Variants in ZNF831 observed in about 807,000 individuals in gnomAD.
ZNF831 encodes chromosome 20 open reading frame 174.
Under a neutral mutation model 95.8 loss-of-function variants are expected in ZNF831, and 59 were observed. The observed-to-expected ratio is 0.62, with a 90% confidence interval of 0.50 to 0.77. The LOEUF (loss-of-function observed/expected upper bound fraction) is 0.77, where lower values mean the gene tolerates loss of function less well. Among genes scored for constraint, ZNF831 ranks in the 30% least tolerant of loss-of-function variants. ZNF831 has a pLI of 0.00. For synonymous variants in ZNF831, 961 were observed against 925.5 expected (o/e 1.04, Z -0.70); for missense variants, 2,205 against 2,164.0 (o/e 1.02, Z -0.38).
intron 2 of ZNF831, among the ~76,000 whole-genome samples, chr20:59,153,948 G>T (rs1159144821): frequency 6.6e-6 from 1 of 152,204 alleles, no homozygotes; most frequent in Non-Finnish European, 1.5e-5. Context: ...CTGTTCAGGT[G>T]GTGAGGAGTG....
intron 1 of ZNF831, among the ~76,000 whole-genome samples, chr20:59,183,138 C>T (rs1483512547): frequency 6.6e-6 from 1 of 152,166 alleles, no homozygotes; most frequent in Non-Finnish European, 1.5e-5. Flanking sequence ...GGGAGTGTTA[C>T]CCACTCCAGG....
At chr20:59,184,072 T>C (rs1007120349) in intron 1 of ZNF831, among the ~76,000 whole-genome samples, 1 of 151,906 alleles carries the variant, frequency 6.6e-6, no homozygotes, top group Non-Finnish European at 1.5e-5. Flanking sequence ...ACCTTTTCAC[T>C]GTCTCCATAG....
chr20:59,141,040 T>C (rs1184974190), intron 1 of ZNF831, among the ~76,000 whole-genome samples: 1 of 152,090 alleles, frequency 6.6e-6, no homozygotes, highest in East Asian at 1.9e-4. Flanking sequence ...GCTAGGATTA[T>C]AGGTGCGCAC....
intron 1 of ZNF831, among the ~76,000 whole-genome samples, chr20:59,132,099 A>G (rs774977389): frequency 2.0e-5 from 3 of 152,204 alleles, no homozygotes; most frequent in Non-Finnish European, 4.4e-5. Flanking sequence ...ATTTCACACA[A>G]GTGGGAACAT....
chr20:59,189,655 G>A (rs1983348450), intron 1 of ZNF831, among the ~76,000 whole-genome samples: 2 of 152,170 alleles, frequency 1.3e-5, no homozygotes, highest in Admixed American at 1.3e-4. Flanking sequence ...GGGATTACAG[G>A]CTCCTGCCAC....
intron 1 of ZNF831, among the ~76,000 whole-genome samples, chr20:59,128,368 T>C (rs1411127431): frequency 6.6e-6 from 1 of 152,162 alleles, no homozygotes; most frequent in Non-Finnish European, 1.5e-5. Context: ...TTCCCTGCTG[T>C]CCCTCCCCAG....
chr20:59,135,697 C>A (rs182615662), intron 1 of ZNF831, among the ~76,000 whole-genome samples: 86 of 152,212 alleles, frequency 5.7e-4, no homozygotes, highest in Middle Eastern at 6.8e-3. Flanking sequence ...TGCCACTGCA[C>A]TCCAGCCTGG....
chr20:59,200,534 A>C (rs940998498), intron 3 of ZNF831, among the ~76,000 whole-genome samples: 1 of 151,808 alleles, frequency 6.6e-6, no homozygotes, highest in Non-Finnish European at 1.5e-5. Flanking sequence ...AAATTTTGAC[A>C]TATATATATA....
At chr20:59,207,516 T>C (rs1268342314) in intron 4 of ZNF831, among the ~76,000 whole-genome samples, 1 of 152,026 alleles carries the variant, frequency 6.6e-6, no homozygotes, top group Admixed American at 6.5e-5. Flanking sequence ...GGCTGCAGGG[T>C]ACATTGCTTA....
rs61743783 is a variant in ZNF831 at position 59,192,762 on chromosome 20, C to A, written c.1743C>A (p.Pro581=). 6.2e-7 allele frequency: 1 copy of A among 1,612,280 alleles called. No individual in the cohort carries two copies. The highest frequency in any genetic ancestry group is 2.2e-5 in the East Asian group (1 of 44,866). ...CCCCCATTGGCGATGCCCTGGTGCC[C>A]GCAGAGGACACAGACGCAAAGAGAA... ...PGTPIGDALV[P]AEDTDAKRTA... Residue 581 remains proline, a synonymous_variant, in exon 2 of 6, where the codon CCC becomes CCA. Transcript: ENST00000371030. The surrounding 1 kb of genome is among the most constrained non-coding windows in gnomAD (Gnocchi z 5.2).
rs1007510990 is a variant in ZNF831, at chr20:59,253,211, T to C, written c.4188+73T>C. The C allele has an allele frequency of 7.8e-6, 12 of 1,540,760 alleles. No homozygotes were observed. The Admixed American group carries it at 1.8e-4, about 23-fold the overall frequency. ...GTATAGCCCTGCTTGTTCTTGCTGC[T>C]CTTGTTCAGTGTGGCAGAACTTGCT... On this transcript the variant is annotated intron_variant, in intron 5 of 5. Transcript: ENST00000371030.
Position 59,191,318 on chromosome 20 carries a change from C to A in ZNF831, c.299C>A (p.Pro100His). Residue 100 changes from proline to histidine, a missense_variant, in exon 2 of 6, where the codon CCT (proline) becomes CAT (histidine). Pro to His is a moderately conservative substitution (Grantham distance 77). Transcript: ENST00000371030. ...AGCCCTGTGCTGCAGCCTGAAGGGC[C>A]TGGCCCCACCCAGGTGGGGAAGCCG... ...ILSPVLQPEG[P>H]GPTQVGKPAA... 1 of 1,599,318 alleles carries A rather than the reference C, an allele frequency of 6.3e-7. No homozygotes were observed. Among genetic ancestry groups the A allele is most frequent in the Non-Finnish European group, 8.5e-7 (1 of 1,173,080 alleles).
chr20:59,129,763 G>A (rs1044646047), intron 1 of ZNF831, among the ~76,000 whole-genome samples: 1 of 152,188 alleles, frequency 6.6e-6, no homozygotes, highest in African/African-American at 2.4e-5. Context: ...TTCGTCATTT[G>A]GAGAATGCTA....
At chr20:59,187,227 T>A (rs73618646) in intron 1 of ZNF831, among the ~76,000 whole-genome samples, 26,101 of 151,942 alleles carry the variant, frequency 0.17, 2,521 homozygotes, top group East Asian at 0.25. Context: ...TCCCCCCAGC[T>A]CCAAATCTAC....
chr20:59,131,145 T>G (rs1053887912), intron 1 of ZNF831, among the ~76,000 whole-genome samples: 1 of 152,214 alleles, frequency 6.6e-6, no homozygotes. Context: ...AGCATCCATC[T>G]TGGGTCTTGG....
At chr20:59,151,874 G>A (rs937642171) in intron 2 of ZNF831, among the ~76,000 whole-genome samples, 6 of 152,156 alleles carry the variant, frequency 3.9e-5, no homozygotes, top group Non-Finnish European at 8.8e-5. Flanking sequence ...TCTGTCTAGC[G>A]ATGCTGCAAG....
Position 59,253,130 on chromosome 20 carries a change from A to G in ZNF831, c.4180A>G (p.Thr1394Ala), listed in dbSNP as rs1230250908. The G allele has an allele frequency of 6.2e-7, 1 of 1,614,012 alleles. No individual in the cohort carries two copies. The highest frequency in any genetic ancestry group is 1.1e-5 in the South Asian group (1 of 91,066). Residue 1394 changes from threonine (T) to alanine (A), a missense_variant, in exon 5 of 6, where the codon ACT becomes GCT. Coordinates refer to ENST00000371030, the MANE Select transcript of ZNF831 (RefSeq NM_178457.3). ...SRIVREMDKR[T>A]VKDISPSAGE... ...AATTGTCAGGGAAATGGACAAACGA[A>G]CTGTGAAGGTGGGCATGATGATTTT...
At chr20:59,157,754 C>T (rs1980616482) in intron 2 of ZNF831, among the ~76,000 whole-genome samples, 1 of 152,138 alleles carries the variant, frequency 6.6e-6, no homozygotes, top group Non-Finnish European at 1.5e-5. Context: ...TTTGTAAATA[C>T]ATCCAACAGA....
intron 4 of ZNF831, among the ~76,000 whole-genome samples, chr20:59,226,249 A>G (rs1000456323): frequency 2.0e-5 from 3 of 152,196 alleles, no homozygotes; most frequent in Non-Finnish European, 4.4e-5. Flanking sequence ...GATGTCGATC[A>G]CAACCTGACC....
Sources: gnomAD v4.1 joint callset for allele counts (sites outside exome capture counted in the v4.1 genomes callset) on GRCh38, gnomAD v4.1.1 for gene constraint, Gnocchi (gnomAD v3.1) non-coding constraint, MANE v1.5 for transcripts, NCBI Gene and HGNC (gene_info 2026-07-23, HGNC 2026-07-21) for gene names.